Variants in FSIP2 observed in about 807,000 individuals in gnomAD.
The protein encoded by FSIP2 is fibrous sheath interacting protein 2, also known as fibrous sheath-interacting protein 2.
FSIP2 carries 367 observed loss-of-function variants against 510.5 expected under a neutral mutation model. The ratio of observed to expected loss-of-function variants is 0.72; its 90% confidence interval spans 0.66 to 0.78. The LOEUF is 0.78. Among genes scored for constraint, FSIP2 ranks in the 30% least tolerant of loss-of-function variants. The probability of loss-of-function intolerance (pLI) is 0.00; values close to 1 mark genes in which losing one functional copy is unlikely to be tolerated. For synonymous variants in FSIP2, 2,601 were observed against 2,732.2 expected, an observed-to-expected ratio of 0.95 and a Z score of 1.50; for missense variants, 7,594 against 7,901.7, an observed-to-expected ratio of 0.96 and a Z score of 1.48.
chr2:185,813,317 TATTAG>T (rs1693771538), intron 17 of FSIP2, among the ~76,000 whole-genome samples: 1 of 152,040 alleles, frequency 6.6e-6, no homozygotes, highest in Admixed American at 6.6e-5. Flanking sequence ...GACTAAGTTA[TATTAG>T]ATTAAGGTAT....
chr2:185,776,563 A>T (rs1358468383), intron 13 of FSIP2, among the ~76,000 whole-genome samples: 2 of 152,152 alleles, frequency 1.3e-5, no homozygotes, highest in Non-Finnish European at 2.9e-5. Context: ...TAACATTCCT[A>T]TTATTCATTT....
chr2:185,797,576 C>T, intron 16 of FSIP2, 50 bp downstream of exon 16: 2 of 1,457,092 alleles, frequency 1.4e-6, no homozygotes, highest in South Asian at 2.9e-5. Flanking sequence ...AGGAAGAAAA[C>T]CAGTAAAAGA....
rs529139478 is a variant in FSIP2 at position 185,802,482 on chromosome 2, T to C, written c.13176T>C (p.Asp4392=). ...AGCATGGGCTAGACCTTGCTGTTGA[T>C]AAAGAGTCTGAAGACAGTGGCATTT... ...LKQHGLDLAV[D]KESEDSGIFV... is the part of the protein sequence containing the mutation. Residue 4392 remains aspartate (D), a synonymous_variant, in exon 17 of 23, where the codon GAT becomes GAC. Transcript: ENST00000424728. 6.1e-5 allele frequency: 93 copies of C among 1,533,592 alleles called. No individual in the cohort carries two copies. In the South Asian group the frequency reaches 1.0e-3, roughly 17 times the overall value. 95.0% of individuals were successfully genotyped at this position (1,533,592 alleles called of 1,614,324 possible).
In FSIP2 at chr2:185,790,415, T is replaced by C; in HGVS notation, c.3279T>C (p.Thr1093=). 3 of 1,530,426 alleles carry C rather than the reference T, an allele frequency of 2.0e-6. No individual in the cohort carries two copies. Among genetic ancestry groups the C allele is most frequent in the Non-Finnish European group, 2.6e-6 (3 of 1,144,692 alleles). 94.8% of individuals were successfully genotyped at this position (1,530,426 alleles called of 1,614,324 possible). A position where few individuals can be genotyped will look rare whatever the true frequency, so the allele number is the denominator to read the frequency against. Residue 1093 remains threonine, a synonymous_variant, in exon 16 of 23, where the codon ACT becomes ACC. Coordinates refer to ENST00000424728, the MANE Select transcript of FSIP2 (RefSeq NM_173651.4). ...KKLSSNKDIS[T]FSQDQKHQIE... is the part of the protein sequence containing the mutation. ...TTTCTTCGAATAAAGACATTTCAAC[T>C]TTCAGCCAAGATCAAAAGCATCAAA...
At chr2:185,738,704 TG>T, upstream of FSIP2, 1 of 1,536,080 alleles carries the variant, frequency 6.5e-7, no homozygotes. Flanking sequence ...CTCTACGCGC[TG>T]GCGCGAGCCG....
At chr2:185,817,864 T>C (rs980462147) in intron 19 of FSIP2, among the ~76,000 whole-genome samples, 8 of 151,908 alleles carry the variant, frequency 5.3e-5, no homozygotes, top group African/African-American at 1.9e-4. Context: ...ATGAACAAAA[T>C]TAAAATATTA....
Position 185,789,790 on chromosome 2 carries a change from A to T in FSIP2, c.2654A>T (p.Asn885Ile). ...LESDEASLIV[N>I]EEVQNLISNI... is the part of the protein sequence containing the mutation. ...TCTGATGAAGCTAGTTTAATTGTCA[A>T]TGAAGAAGTACAAAATTTAATATCA... is the stretch of plus-strand genomic sequence containing the variant. Residue 885 changes from asparagine (N) to isoleucine (I), a missense_variant, in exon 16 of 23, where the codon AAT becomes ATT. Transcript: ENST00000424728. The T allele has an allele frequency of 6.5e-7, 1 of 1,534,042 alleles. No individual in the cohort carries two copies. Among genetic ancestry groups the T allele is most frequent in the Non-Finnish European group, 8.7e-7 (1 of 1,145,452 alleles).
chr2:185,808,797 T>C lies in FSIP2; in HGVS notation c.19491T>C (p.Phe6497=), dbSNP rs1693657097. Residue 6497 remains phenylalanine (F), a synonymous_variant, in exon 17 of 23, where the codon TTT becomes TTC. Coordinates refer to ENST00000424728, the MANE Select transcript of FSIP2 (RefSeq NM_173651.4). ...TTCAAAAGGCCCAAGAACATGCTTT[T>C]AATGTGATTCCTGAATTAGAGCAAG... The part of the protein sequence containing the change: ...RIVQKAQEHA[F]NVIPELEQEK... The C allele has an allele frequency of 6.2e-7, 1 of 1,612,810 alleles. No individual in the cohort carries two copies.
intron 7 of FSIP2, among the ~76,000 whole-genome samples, chr2:185,751,549 G>A (rs564170847): frequency 2.7e-5 from 4 of 149,202 alleles, no homozygotes; most frequent in South Asian, 2.1e-4. Context: ...TCTGACAACC[G>A]CCTGTAATTG....
Position 185,792,580 on chromosome 2 carries a change from A to G in FSIP2, c.5444A>G (p.Asp1815Gly). ...SNFNGMPHNV[D>G]EPTPQTSVQF... Reference sequence around the variant, plus strand: ...TTTAATGGCATGCCTCACAATGTTGATGAGCCAACTCCCCAAACATCTGTT... The same window carrying G: ...TTTAATGGCATGCCTCACAATGTTGGTGAGCCAACTCCCCAAACATCTGTT... Residue 1815 changes from aspartate to glycine, a missense_variant, in exon 16 of 23, where the codon GAT becomes GGT. By Grantham distance (94) the Asp-to-Gly change is moderately conservative. Transcript: ENST00000424728. The G allele has an allele frequency of 1.3e-6, 2 of 1,533,950 alleles. No homozygotes were observed. Among genetic ancestry groups the G allele is most frequent in the Non-Finnish European group, 1.7e-6 (2 of 1,145,418 alleles).
Position 185,806,047 on chromosome 2 carries a change from G to C in FSIP2, c.16741G>C (p.Glu5581Gln). 6 of 1,546,858 alleles carry C rather than the reference G, an allele frequency of 3.9e-6. No individual in the cohort carries two copies. The highest frequency in any genetic ancestry group is 5.3e-6 in the Non-Finnish European group (6 of 1,139,126). Residue 5581 changes from glutamate to glutamine, a missense_variant, in exon 17 of 23, where the codon GAG becomes CAG. Physicochemically the swap from Glu to Gln is conservative, Grantham distance 29. Coordinates refer to ENST00000424728, the MANE Select transcript of FSIP2 (RefSeq NM_173651.4). ...AACAGATAAAAAAGGGAAAGATGAT[G>C]AGATATACACACATTTTTCATTAAT... Reference protein sequence around the residue: ...IPTDKKGKDDEIYTHFSLIID... With the variant: ...IPTDKKGKDDQIYTHFSLIID...
In FSIP2 at chr2:185,807,074, A is replaced by G. The variant is rs2105653274; in HGVS notation, c.17768A>G (p.Asn5923Ser). The stretch of plus-strand genomic sequence containing the variant: ...AAAGTTGTTCACTCCTCTGTTTGTA[A>G]TATTTTAAATGACTATGGATCTCAA... ...VNKVVHSSVC[N>S]ILNDYGSQDS... Residue 5923 changes from asparagine (N) to serine (S), a missense_variant, in exon 17 of 23, where the codon AAT becomes AGT. Physicochemically the swap from Asn to Ser is conservative, Grantham distance 46. Coordinates refer to ENST00000424728, the MANE Select transcript of FSIP2 (RefSeq NM_173651.4). 1 of 1,590,150 alleles carries G rather than the reference A, an allele frequency of 6.3e-7. No individual in the cohort carries two copies. The highest frequency in any genetic ancestry group is 1.2e-5 in the South Asian group (1 of 86,182).
At position 185,795,805 on chromosome 2, in the gene FSIP2, A is replaced by T. The variant is rs1326042014; in HGVS notation, c.8669A>T (p.Asn2890Ile). 7 of 1,534,060 alleles carry T rather than the reference A, an allele frequency of 4.6e-6. No individual in the cohort carries two copies. The Admixed American group carries it at 1.2e-4, about 26-fold the overall frequency. Residue 2890 changes from asparagine to isoleucine, a missense_variant, in exon 16 of 23, where the codon AAT becomes ATT. Physicochemically the swap from Asn to Ile is moderately radical, Grantham distance 149. Transcript: ENST00000424728. ...LSLLNLPPLE[N>I]CESRFYNHFK... ...CTTTTAAATTTGCCCCCTCTTGAGA[A>T]TTGTGAAAGCAGGTTTTATAATCAT...
Position 185,800,318 on chromosome 2 carries a change from A to C in FSIP2, c.11012A>C (p.Asn3671Thr), listed in dbSNP as rs921529630. ...TQQIGQLFQKNKLSYLACKLN... is the reference protein window; with the variant it reads ...TQQIGQLFQKTKLSYLACKLN... ...CAAATTGGTCAACTTTTTCAAAAAA[A>C]TAAGTTAAGTTATCTTGCATGTAAG... The change falls in exon 17 of 23, where the codon AAT becomes ACT. Residue 3671 changes from asparagine (N) to threonine (T), a missense_variant. Coordinates refer to ENST00000424728, the MANE Select transcript of FSIP2 (RefSeq NM_173651.4). 1.3e-6 allele frequency: 2 copies of C among 1,533,614 alleles called. No individual in the cohort carries two copies. The highest frequency in any genetic ancestry group is 2.7e-5 in the African/African-American group (2 of 72,852).
At position 185,797,406 on chromosome 2, in the gene FSIP2, G is replaced by C; in HGVS notation, c.10270G>C (p.Val3424Leu). ...AAAGGAGTACCCAAAGATAGAGACTGTGAAGGAAGTTGAAGCCTTTACTTT... is the reference window on the plus strand; with the variant it reads ...AAAGGAGTACCCAAAGATAGAGACTCTGAAGGAAGTTGAAGCCTTTACTTT... The part of the protein sequence containing the change: ...KKKEYPKIET[V>L]KEVEAFTFAD... The change falls in exon 16 of 23, where the codon GTG (valine) becomes CTG (leucine). Residue 3424 changes from valine (V) to leucine (L), a missense_variant. By Grantham distance (32) the Val-to-Leu change is conservative. Transcript: ENST00000424728. The C allele has an allele frequency of 2.0e-6, 3 of 1,532,586 alleles. No individual in the cohort carries two copies. The highest frequency in any genetic ancestry group is 2.6e-6 in the Non-Finnish European group (3 of 1,145,630). The allele number at this position is 1,532,586 out of a possible 1,614,324, so 94.9% of individuals were successfully genotyped here.
Position 185,791,002 on chromosome 2 carries a change from C to G in FSIP2, c.3866C>G (p.Ser1289Cys). The G allele has an allele frequency of 6.5e-7, 1 of 1,528,392 alleles. No individual in the cohort carries two copies. The highest frequency in any genetic ancestry group is 8.8e-7 in the Non-Finnish European group (1 of 1,142,448). The allele number at this position is 1,528,392 out of a possible 1,614,324, so 94.7% of individuals were successfully genotyped here. A position where few individuals can be genotyped will look rare whatever the true frequency, so the allele number is the denominator to read the frequency against. The change falls in exon 16 of 23, where the codon TCT becomes TGT. Residue 1289 changes from serine to cysteine, a missense_variant. Ser to Cys is a moderately radical substitution (Grantham distance 112). Coordinates refer to ENST00000424728, the MANE Select transcript of FSIP2 (RefSeq NM_173651.4). ...LHMGFKSSLR[S>C]QLSKYTAKIV... is the part of the protein sequence containing the mutation. ...ATGGGCTTCAAATCTTCATTACGAT[C>G]TCAACTTAGTAAGTACACAGCTAAA...
intron 13 of FSIP2, chr2:185,766,162 C>A (rs1574163922): frequency 6.6e-6 from 1 of 151,836 alleles, no homozygotes. Flanking sequence ...ATACAAAAAT[C>A]AATTCAAGAT....
chr2:185,749,445 A>G (rs1460666676), intron 7 of FSIP2, among the ~76,000 whole-genome samples: 1 of 151,984 alleles, frequency 6.6e-6, no homozygotes, highest in African/African-American at 2.4e-5. Flanking sequence ...AACTTTGAAT[A>G]CTTAATGCTA....
At chr2:185,739,018 G>A in intron 1 of FSIP2, 25 bp downstream of exon 1, 2 of 1,525,638 alleles carry the variant, frequency 1.3e-6, no homozygotes, top group East Asian at 2.5e-5. Flanking sequence ...GCTGGGCGGC[G>A]TCGCCCTCTG....
Sources: allele counts gnomAD v4.1 joint callset (sites outside exome capture counted in the v4.1 genomes callset), GRCh38; gene constraint gnomAD v4.1.1; transcripts MANE v1.5; gene names NCBI Gene and HGNC (gene_info 2026-07-23, HGNC 2026-07-21).